NCOA1: variants seen among roughly 807,000 people sequenced by gnomAD.
The protein encoded by NCOA1 is nuclear receptor coactivator 1.
Under a neutral mutation model 150.9 loss-of-function variants are expected in NCOA1, and 35 were observed. That is an observed-to-expected ratio of 0.23 (90% CI 0.18 to 0.31). The LOEUF is 0.31. Ranked by LOEUF, NCOA1 falls within the 10% of genes least tolerant of loss-of-function variation. The pLI, the probability that NCOA1 is intolerant of heterozygous loss-of-function variation, is 1.00. For synonymous variants in NCOA1, 590 were observed against 630.0 expected (o/e 0.94, Z 0.95); for missense variants, 1,491 against 1,749.3 (o/e 0.85, Z 2.63).
At chr2:24,494,544 C>T (rs1663116961) in intron 1 of NCOA1, among the ~76,000 whole-genome samples, 3 of 152,144 alleles carry the variant, frequency 2.0e-5, no homozygotes, top group Non-Finnish European at 2.9e-5. Context: ...AGGAGATCCC[C>T]GGGACGCTCA....
chr2:24,746,751 T>C (rs1187965728), intron 19 of NCOA1, among the ~76,000 whole-genome samples: 1 of 152,150 alleles, frequency 6.6e-6, no homozygotes, highest in African/African-American at 2.4e-5. Context: ...TTTAGAGAAA[T>C]GAAACCACTC....
In NCOA1 at chr2:24,523,345, G is replaced by A. The variant is rs560501918; in HGVS notation, c.-396+31743G>A. 7.2e-5 allele frequency among the ~76,000 whole-genome samples: 11 copies of A among 152,094 alleles called. No homozygotes were observed. The South Asian group carries it at 8.3e-4, about 11-fold the overall frequency. On this transcript the variant is annotated intron_variant, in intron 1 of 22. Transcript: ENST00000348332. ...CTTTTGGCCGGGAGCAGTGGCTCAC[G>A]CCTGTAATCCCAGCACTTTGGGAGG...
intron 1 of NCOA1, among the ~76,000 whole-genome samples, chr2:24,544,867 A>G (rs928421429): frequency 7.9e-5 from 12 of 152,186 alleles, no homozygotes; most frequent in African/African-American, 2.9e-4. Context: ...AAAAATAAGT[A>G]AATGAATGGT....
At chr2:24,597,360 A>G (rs1667925630) in intron 3 of NCOA1, among the ~76,000 whole-genome samples, 2 of 152,214 alleles carry the variant, frequency 1.3e-5, no homozygotes, top group Admixed American at 6.5e-5. Flanking sequence ...TTTTAAATGA[A>G]TGAATCAATT....
At chr2:24,680,826 A>G (rs1015400529) in intron 7 of NCOA1, among the ~76,000 whole-genome samples, 2 of 152,184 alleles carry the variant, frequency 1.3e-5, no homozygotes, top group Non-Finnish European at 2.9e-5. Flanking sequence ...AACATATACC[A>G]TAAATATATA....
At chr2:24,658,874 T>G in intron 5 of NCOA1, 108 bp downstream of exon 5, 1 of 916,808 alleles carries the variant, frequency 1.1e-6, no homozygotes, top group Non-Finnish European at 1.7e-6. Flanking sequence ...TTTCTTTGAG[T>G]CTTTCATACT....
intron 1 of NCOA1, among the ~76,000 whole-genome samples, chr2:24,518,395 C>G (rs945105710): frequency 6.6e-6 from 1 of 151,932 alleles, no homozygotes; most frequent in South Asian, 2.1e-4. Flanking sequence ...TACTTAATGA[C>G]GAAAGACTAA....
intron 21 of NCOA1, among the ~76,000 whole-genome samples, chr2:24,762,177 C>T (rs1293982543): frequency 2.6e-5 from 4 of 152,250 alleles, no homozygotes; most frequent in African/African-American, 7.2e-5. Flanking sequence ...ACAGTAGGGA[C>T]TGCTGAACTG....
chr2:24,623,838 C>A (rs998379053), intron 3 of NCOA1, among the ~76,000 whole-genome samples: 18 of 152,142 alleles, frequency 1.2e-4, no homozygotes, highest in Admixed American at 8.5e-4. Context: ...TGGACTGGGG[C>A]TCCACCCTTA....
intron 4 of NCOA1, among the ~76,000 whole-genome samples, chr2:24,647,681 A>G (rs1185509742): frequency 6.6e-6 from 1 of 152,226 alleles, no homozygotes; most frequent in African/African-American, 2.4e-5. Context: ...ATATAATGTC[A>G]TATCCTTTAG....
chr2:24,763,789 T>G (rs1435786426), intron 22 of NCOA1, among the ~76,000 whole-genome samples: 1 of 151,332 alleles, frequency 6.6e-6, no homozygotes, highest in Non-Finnish European at 1.5e-5. Context: ...CCCGGCTAAT[T>G]TTTCGTCTTT....
At chr2:24,507,842 C>G (rs1037025227) in intron 1 of NCOA1, among the ~76,000 whole-genome samples, 1 of 152,046 alleles carries the variant, frequency 6.6e-6, no homozygotes, top group Non-Finnish European at 1.5e-5. Flanking sequence ...GGTAAACTTA[C>G]CTCTGACTTT....
In NCOA1 at chr2:24,548,306, T is replaced by A. The variant is rs559506840; in HGVS notation, c.-395-15989T>A. On this transcript the variant is annotated intron_variant, in intron 1 of 22. Transcript: ENST00000348332. ...CTCCCCCTTACAAAAGCATCAGATG[T>A]TGTGAGATTTATTCACTACCACGAG... 5.9e-5 allele frequency among the ~76,000 whole-genome samples: 9 copies of A among 152,256 alleles called. No homozygotes were observed. The South Asian group carries it at 1.5e-3, about 25-fold the overall frequency.
intron 4 of NCOA1, among the ~76,000 whole-genome samples, chr2:24,657,312 A>G (rs1006184448): frequency 2.6e-5 from 4 of 152,200 alleles, no homozygotes; most frequent in African/African-American, 9.6e-5. Flanking sequence ...ATTAATCTAC[A>G]ATTAGGTATT....
At chr2:24,665,942 C>T (rs1369414287) in intron 6 of NCOA1, 27 bp downstream of exon 6, 1 of 1,356,720 alleles carries the variant, frequency 7.4e-7, no homozygotes, top group Non-Finnish European at 9.6e-7. Context: ...AAACCCATGG[C>T]TGTGTGCTTT....
intron 10 of NCOA1, among the ~76,000 whole-genome samples, chr2:24,696,089 C>G (rs933242355): frequency 3.3e-5 from 5 of 152,178 alleles, no homozygotes; most frequent in African/African-American, 4.8e-5. Context: ...GTTCACCAGG[C>G]TTTCCCCAAA....
At chr2:24,492,593 G>T (rs1230909271) in intron 1 of NCOA1, among the ~76,000 whole-genome samples, 1 of 152,184 alleles carries the variant, frequency 6.6e-6, no homozygotes, top group Non-Finnish European at 1.5e-5. Context: ...TTAAGCTGGA[G>T]GATCTGTTAG....
At chr2:24,507,826 TTGTG>T (rs940042739) in intron 1 of NCOA1, among the ~76,000 whole-genome samples, 3 of 152,196 alleles carry the variant, frequency 2.0e-5, no homozygotes, top group African/African-American at 7.2e-5. Context: ...AGCATATGGT[TTGTG>T]TGGTAAACTT....
intron 3 of NCOA1, among the ~76,000 whole-genome samples, chr2:24,614,775 C>T (rs939601444): frequency 6.6e-6 from 1 of 152,054 alleles, no homozygotes; most frequent in African/African-American, 2.4e-5. Flanking sequence ...AAAGTTATTT[C>T]TTCATGTAAA....
Sources: allele counts gnomAD v4.1 joint callset (sites outside exome capture counted in the v4.1 genomes callset), GRCh38; gene constraint gnomAD v4.1.1; transcripts MANE v1.5; gene names NCBI Gene and HGNC (gene_info 2026-07-23, HGNC 2026-07-21).